The following CDH13 variants were observed in gnomAD, a reference collection of about 807,000 sequenced individuals.
CDH13 encodes cadherin-13.
In CDH13, 24 loss-of-function variants were observed where a neutral mutation model predicts 63.8. The observed-to-expected ratio is 0.38, with a 90% CI of 0.27 to 0.53. CDH13 has a LOEUF of 0.53. CDH13 is among the 20% of genes least tolerant of loss of function. CDH13 has a pLI of 0.85. For synonymous variants in CDH13, 503 were observed against 355.3 expected (o/e 1.42, Z -4.67); for missense variants, 1,049 against 903.1 (o/e 1.16, Z -2.07).
chr16:83,303,049 C>G (rs983116326), intron 5 of CDH13, among the ~76,000 whole-genome samples: 1 of 152,136 alleles, frequency 6.6e-6, no homozygotes, highest in Non-Finnish European at 1.5e-5. Context: ...CATGATGGCT[C>G]CAGCAATTGC....
chr16:83,177,159 T>C (rs2038162968), intron 4 of CDH13, among the ~76,000 whole-genome samples: 1 of 152,230 alleles, frequency 6.6e-6, no homozygotes, highest in Admixed American at 6.5e-5. Flanking sequence ...ATGTGGCTAG[T>C]GGCTAACATT....
At chr16:83,176,074 T>G (rs1003316002) in intron 4 of CDH13, among the ~76,000 whole-genome samples, 2 of 151,752 alleles carry the variant, frequency 1.3e-5, no homozygotes, top group Non-Finnish European at 2.9e-5. Flanking sequence ...GGTCTTGAAA[T>G]CTCTACCTCA....
At chr16:82,972,878 A>G (rs889118989) in intron 2 of CDH13, among the ~76,000 whole-genome samples, 1 of 152,158 alleles carries the variant, frequency 6.6e-6, no homozygotes. Context: ...CATGAAGGAA[A>G]CCAGGTCACT....
At chr16:83,583,888 G>T (rs1318465500) in intron 7 of CDH13, among the ~76,000 whole-genome samples, 1 of 152,150 alleles carries the variant, frequency 6.6e-6, no homozygotes, top group South Asian at 2.1e-4. Context: ...CAGCACTCCA[G>T]CCTGGATGAC....
At chr16:83,108,255 G>T (rs934151081) in intron 3 of CDH13, among the ~76,000 whole-genome samples, 4 of 152,150 alleles carry the variant, frequency 2.6e-5, no homozygotes, top group Non-Finnish European at 5.9e-5. Flanking sequence ...AAGGACCACA[G>T]AGGAAGGACC....
At chr16:83,575,544 G>GC (rs1042613008) in intron 7 of CDH13, among the ~76,000 whole-genome samples, 5 of 152,170 alleles carry the variant, frequency 3.3e-5, no homozygotes, top group Non-Finnish European at 5.9e-5. Context: ...CGGCCCTCCA[G>GC]CCCGGGGGTT....
At chr16:83,132,157 C>A (rs773506696) in intron 4 of CDH13, among the ~76,000 whole-genome samples, 1 of 152,092 alleles carries the variant, frequency 6.6e-6, no homozygotes, top group Non-Finnish European at 1.5e-5. Context: ...TGAAGACCCA[C>A]GAAGACCAAG....
intron 1 of CDH13, among the ~76,000 whole-genome samples, chr16:82,749,159 AAG>A (rs775367046): frequency 2.6e-5 from 4 of 151,568 alleles, no homozygotes; most frequent in African/African-American, 7.2e-5. Flanking sequence ...TGCAGAGAGA[AAG>A]AGAGAGAGAG....
At chr16:83,513,209 A>C (rs1345867217) in intron 7 of CDH13, among the ~76,000 whole-genome samples, 2 of 152,160 alleles carry the variant, frequency 1.3e-5, no homozygotes, top group Non-Finnish European at 2.9e-5. Context: ...TCAAAGCATC[A>C]AACAAAGATC....
At chr16:82,850,506 A>G (rs2039439440) in intron 1 of CDH13, among the ~76,000 whole-genome samples, 1 of 152,262 alleles carries the variant, frequency 6.6e-6, no homozygotes, top group Non-Finnish European at 1.5e-5. Flanking sequence ...TGCTGTAAAC[A>G]TTGTTGAAAA....
chr16:83,293,108 T>C (rs1202970891), intron 5 of CDH13, among the ~76,000 whole-genome samples: 2 of 152,188 alleles, frequency 1.3e-5, no homozygotes, highest in Non-Finnish European at 2.9e-5. Flanking sequence ...TAGATTCTAT[T>C]TTGAATTGCT....
chr16:82,860,142 A>C (rs970668763), intron 2 of CDH13, among the ~76,000 whole-genome samples: 2 of 151,944 alleles, frequency 1.3e-5, no homozygotes, highest in Non-Finnish European at 2.9e-5. Context: ...TTTTTTTCCA[A>C]GTGATTATCC....
chr16:83,449,244 C>A (rs2072809804), intron 6 of CDH13, among the ~76,000 whole-genome samples: 1 of 152,076 alleles, frequency 6.6e-6, no homozygotes, highest in Non-Finnish European at 1.5e-5. Context: ...GATAGGAGGC[C>A]CTCAATGTTT....
chr16:83,071,993 A>C (rs1015804058), intron 3 of CDH13, among the ~76,000 whole-genome samples: 2 of 152,120 alleles, frequency 1.3e-5, no homozygotes, highest in African/African-American at 2.4e-5. Flanking sequence ...TGCAATTCTA[A>C]ATTTTCTTGG....
chr16:83,531,062 C>G (rs117230981), intron 7 of CDH13, among the ~76,000 whole-genome samples: 1 of 152,122 alleles, frequency 6.6e-6, no homozygotes, highest in African/African-American at 2.4e-5. Flanking sequence ...AACTTTCTTC[C>G]GGTAAAGTTC....
chr16:82,934,588 C>G (rs1383801556), intron 2 of CDH13, among the ~76,000 whole-genome samples: 1 of 152,106 alleles, frequency 6.6e-6, no homozygotes, highest in Admixed American at 6.5e-5. Flanking sequence ...ATGGGTTTTT[C>G]TTTTCTATTG....
chr16:82,829,814 G>A (rs929883135), intron 1 of CDH13, among the ~76,000 whole-genome samples: 12 of 152,090 alleles, frequency 7.9e-5, no homozygotes, highest in Admixed American at 7.9e-4. Flanking sequence ...TTTATTGAAT[G>A]TGTAAGCAAT....
intron 1 of CDH13, among the ~76,000 whole-genome samples, chr16:82,731,501 C>T (rs953779595): frequency 6.6e-6 from 1 of 152,188 alleles, no homozygotes; most frequent in African/African-American, 2.4e-5. Flanking sequence ...ATTCTTTAAA[C>T]ATCTGAAAAG....
intron 5 of CDH13, among the ~76,000 whole-genome samples, chr16:83,262,337 G>T (rs1422314537): frequency 6.6e-6 from 1 of 152,216 alleles, no homozygotes; most frequent in Non-Finnish European, 1.5e-5. Flanking sequence ...AATCAGATGT[G>T]TAGGGAGACT....
Sources: allele counts gnomAD v4.1 joint callset (sites outside exome capture counted in the v4.1 genomes callset), GRCh38; gene constraint gnomAD v4.1.1; transcripts MANE v1.5; gene names NCBI Gene and HGNC (gene_info 2026-07-23, HGNC 2026-07-21).